SLC44A2: variants seen among roughly 807,000 people sequenced by gnomAD.
SLC44A2 encodes solute carrier family 44 member 2 (CTL2 blood group).
SLC44A2 carries 57 observed loss-of-function variants against 90.8 expected under a neutral mutation model. The observed-to-expected ratio is 0.63, with a 90% confidence interval of 0.51 to 0.78. The LOEUF is 0.78. Ranked by LOEUF, SLC44A2 falls within the 30% of genes least tolerant of loss-of-function variation. The probability of loss-of-function intolerance (pLI) is 0.00; values close to 1 mark genes in which losing one functional copy is unlikely to be tolerated. For missense variants in SLC44A2, 794 were observed against 919.7 expected (o/e 0.86, Z 1.77); for synonymous variants, 355 against 360.7 (o/e 0.98, Z 0.18).
chr19:10,630,338 A>G (rs567263988), intron 4 of SLC44A2, among the ~76,000 whole-genome samples: 1 of 151,596 alleles, frequency 6.6e-6, no homozygotes, highest in East Asian at 2.0e-4. Flanking sequence ...GCAACAGAGA[A>G]AGACTCTTGT....
At chr19:10,626,457 G>T (rs183984108) in intron 2 of SLC44A2, among the ~76,000 whole-genome samples, 156 bp downstream of exon 2, 36 of 151,720 alleles carry the variant, frequency 2.4e-4, no homozygotes, top group Non-Finnish European at 3.5e-4. Context: ...CACCAGGCTG[G>T]AGTGCCGTGG....
intron 1 of SLC44A2, among the ~76,000 whole-genome samples, chr19:10,606,960 G>A (rs1420782198): frequency 7.0e-6 from 1 of 143,054 alleles, no homozygotes; most frequent in Admixed American, 7.2e-5. Flanking sequence ...CGCCCAGGCT[G>A]GAGTGCAGTG....
chr19:10,632,120 GTGA>G lies in SLC44A2; in HGVS notation c.792_794del (p.Met264del). 1 of 1,614,088 alleles carries G rather than the reference GTGA, an allele frequency of 6.2e-7. No homozygotes were observed. Among genetic ancestry groups the G allele is most frequent in the Non-Finnish European group, 8.5e-7 (1 of 1,180,016 alleles). ...CTTCCTGGCTGGTATTATGGTCTGGGTGATGATCATCATGGTGATTCTGGTGCT... is the reference window on the plus strand; with the variant it reads ...CTTCCTGGCTGGTATTATGGTCTGGGTGATCATCATGGTGATTCTGGTGCT... On this transcript the variant is annotated inframe_deletion, in exon 10 of 22. Transcript: ENST00000335757.
At chr19:10,618,639 C>CCGGCTAATTTTTTGTATTTTTAGTAGAGA (rs2066875076) in intron 1 of SLC44A2, among the ~76,000 whole-genome samples, 1 of 151,732 alleles carries the variant, frequency 6.6e-6, no homozygotes, top group Non-Finnish European at 1.5e-5. Context: ...GCCACCACGC[C>CCGGCTAATTTTTTGTATTTTTAGTAGAGA]CGGCTAATTT....
intron 1 of SLC44A2, among the ~76,000 whole-genome samples, chr19:10,613,726 T>G (rs1467648795): frequency 1.3e-5 from 2 of 152,060 alleles, no homozygotes; most frequent in African/African-American, 4.8e-5. Flanking sequence ...GAGGAGGACA[T>G]GGAACGACGG....
chr19:10,637,984 A>C (rs1283599000), intron 18 of SLC44A2, 39 bp from the exon 19 acceptor site: 2 of 1,613,934 alleles, frequency 1.2e-6, no homozygotes, highest in Admixed American at 1.7e-5. Flanking sequence ...CTAGTCCCTG[A>C]AGCCAGCATT....
At chr19:10,638,146 C>T in intron 19 of SLC44A2, 53 bp downstream of exon 19, 2 of 1,612,514 alleles carry the variant, frequency 1.2e-6, no homozygotes, top group Admixed American at 1.7e-5. Flanking sequence ...TTTCTGTCTT[C>T]TGTGATGAGT....
At chr19:10,635,677 C>T in intron 14 of SLC44A2, 162 bp downstream of exon 14, 2 of 621,378 alleles carry the variant, frequency 3.2e-6, no homozygotes, top group South Asian at 2.1e-5. Flanking sequence ...GACTCTCTAA[C>T]TGGATCGAAC....
At chr19:10,642,244 C>T (rs1362021882) in intron 20 of SLC44A2, 123 bp from the exon 21 acceptor site, 1 of 759,792 alleles carries the variant, frequency 1.3e-6, no homozygotes, top group Non-Finnish European at 2.3e-6. Flanking sequence ...GTTGGGATGT[C>T]ACTAATCCAA....
chr19:10,640,022 G>A (rs953731672), intron 20 of SLC44A2, among the ~76,000 whole-genome samples: 1 of 150,366 alleles, frequency 6.7e-6, no homozygotes, highest in African/African-American at 2.4e-5. Flanking sequence ...CCTCTATTTA[G>A]TAGTTCTAAG....
intron 17 of SLC44A2, 38 bp from the exon 18 acceptor site, chr19:10,637,818 C>T (rs780677561): frequency 1.9e-6 from 3 of 1,613,552 alleles, no homozygotes; most frequent in Non-Finnish European, 8.5e-7. Flanking sequence ...CCCATGCCCA[C>T]CCAGTGGGTC....
At chr19:10,613,543 G>A (rs757324796) in intron 1 of SLC44A2, among the ~76,000 whole-genome samples, 5 of 152,116 alleles carry the variant, frequency 3.3e-5, no homozygotes, top group African/African-American at 1.2e-4. Flanking sequence ...AAGCCACTGC[G>A]CCTGGCCAAG....
chr19:10,616,338 C>T (rs10420809), intron 1 of SLC44A2, among the ~76,000 whole-genome samples: 103,412 of 151,862 alleles, frequency 0.68, 35,865 homozygotes, highest in Non-Finnish European at 0.74. Context: ...CTCAAAGATT[C>T]TCTCACCTCA....
At chr19:10,623,325 T>C (rs1170559064), upstream of SLC44A2, among the ~76,000 whole-genome samples, 2 of 151,990 alleles carry the variant, frequency 1.3e-5, no homozygotes, top group African/African-American at 4.8e-5. Context: ...TAAGGATAAG[T>C]TGAGTTAGTG....
intron 1 of SLC44A2, among the ~76,000 whole-genome samples, chr19:10,615,368 G>T (rs866207403): frequency 6.6e-6 from 1 of 151,892 alleles, no homozygotes. Flanking sequence ...GAGGTCAGGA[G>T]TTTGAGACCA....
chr19:10,615,726 G>A lies in SLC44A2; in HGVS notation c.32-10527G>A, dbSNP rs999286001. On this transcript the variant is annotated intron_variant, in intron 1 of 21. Transcript: ENST00000407327. The stretch of plus-strand genomic sequence containing the variant: ...GAAGCTCAAACCTGTGTTGTTGGAA[G>A]GTTAACTGTCCAAACATTGACTTGG... 1.1e-4 allele frequency among the ~76,000 whole-genome samples: 17 copies of A among 152,162 alleles called. 1 individual carries two copies. The highest frequency in any genetic ancestry group is 4.1e-4 in the South Asian group (2 of 4,834).
At chr19:10,615,505 C>G (rs1250581333) in intron 1 of SLC44A2, among the ~76,000 whole-genome samples, 2 of 149,992 alleles carry the variant, frequency 1.3e-5, no homozygotes, top group African/African-American at 4.9e-5. Flanking sequence ...ACCCGGGAGG[C>G]GGAAGTTGCC....
chr19:10,602,528 G>T, exon 1 of SLC44A2: 1 of 1,277,828 alleles, frequency 7.8e-7, no homozygotes. Context: ...CCCCGCCGCG[G>T]CCATGGAGGA....
In SLC44A2 at chr19:10,633,995, G is replaced by A. The variant is rs1226695546; in HGVS notation, c.824-761G>A. Among the ~76,000 whole-genome samples, 29 of 19,784 alleles carry A rather than the reference G, an allele frequency of 1.5e-3. 1 individual carries two copies. The highest frequency in any genetic ancestry group is 8.7e-3 in the African/African-American group (15 of 1,724). The allele number at this position is 19,784 out of a possible 152,430, so 13.0% of individuals were successfully genotyped here. A position where few individuals can be genotyped will look rare whatever the true frequency, so the allele number is the denominator to read the frequency against. On this transcript the variant is annotated intron_variant, in intron 10 of 21. Coordinates refer to ENST00000335757, the MANE Select transcript of SLC44A2 (RefSeq NM_020428.4). ...TCTATTTTTTTTTTTTTTTGAGACA[G>A]AGTCTCTCACTGTCGCCCAGGCTGG...
Sources: gnomAD v4.1 joint callset for allele counts (sites outside exome capture counted in the v4.1 genomes callset) on GRCh38, gnomAD v4.1.1 for gene constraint, MANE v1.5 for transcripts, NCBI Gene and HGNC (gene_info 2026-07-23, HGNC 2026-07-21) for gene names.